The following CTRB1 variants were observed in gnomAD, a reference collection of about 807,000 sequenced individuals.
CTRB1 encodes chymotrypsinogen B.
A neutral mutation model predicts 20.4 loss-of-function variants in CTRB1; 15 were observed. The ratio of observed to expected loss-of-function variants is 0.74; its 90% CI spans 0.49 to 1.13. The LOEUF is 1.13. CTRB1 is among the 50% of genes most tolerant of loss of function. The pLI, the probability that CTRB1 is intolerant of heterozygous loss-of-function variation, is 0.00. For missense variants in CTRB1, 227 were observed against 290.1 expected (o/e 0.78, Z 1.58); for synonymous variants, 92 against 128.4 (o/e 0.72, Z 1.92).
intron 1 of CTRB1, among the ~76,000 whole-genome samples, chr16:75,221,422 C>T (rs150037540): frequency 0.019 from 2,915 of 152,096 alleles, 38 homozygotes; most frequent in Non-Finnish European, 0.026. Flanking sequence ...TGCAGTGGCA[C>T]GATCTCAGCT....
intron 1 of CTRB1, among the ~76,000 whole-genome samples, chr16:75,222,076 AAAAAAAAAAAG>A (rs2039094010): frequency 6.6e-6 from 1 of 150,760 alleles, no homozygotes; most frequent in Admixed American, 6.6e-5. Flanking sequence ...AAAAAAAAAA[AAAAAAAAAAAG>A]GAATTTGAGG....
chr16:75,221,019 G>A (rs552361545), intron 1 of CTRB1, among the ~76,000 whole-genome samples: 26 of 152,248 alleles, frequency 1.7e-4, no homozygotes, highest in African/African-American at 3.1e-4. Context: ...GCCTTCCAAC[G>A]TGCTCTTTCT....
chr16:75,221,497 T>A (rs2039083565), intron 1 of CTRB1, among the ~76,000 whole-genome samples: 1 of 152,032 alleles, frequency 6.6e-6, no homozygotes, highest in African/African-American at 2.4e-5. Context: ...GTAGCTGGGA[T>A]TGTAGGCCTG....
chr16:75,222,454 A>G (rs2076700627), intron 1 of CTRB1, among the ~76,000 whole-genome samples: 1 of 152,160 alleles, frequency 6.6e-6, no homozygotes, highest in African/African-American at 2.4e-5. Context: ...CACGGCAAGG[A>G]AAGTGTGTCC....
At chr16:75,222,333 G>C (rs140265849) in intron 1 of CTRB1, among the ~76,000 whole-genome samples, 14 of 152,190 alleles carry the variant, frequency 9.2e-5, no homozygotes, top group African/African-American at 3.4e-4. Flanking sequence ...TTCCCCTCTC[G>C]CCACCAGTCT....
chr16:75,222,161 GA>G (rs34600337), intron 1 of CTRB1, among the ~76,000 whole-genome samples: 67 of 142,818 alleles, frequency 4.7e-4, no homozygotes, highest in African/African-American at 8.3e-4. Context: ...ACCCTAACTG[GA>G]AAAAAAAAAA....
At position 75,222,125 on chromosome 16, in the gene CTRB1, C is replaced by T. The variant is rs151224578; in HGVS notation, c.53-643C>T. Among the ~76,000 whole-genome samples the T allele has an allele frequency of 1.8e-4, 27 of 149,516 alleles. No homozygotes were observed. In the Admixed American group the frequency reaches 1.8e-3, roughly 10 times the overall value. The stretch of plus-strand genomic sequence containing the variant: ...GCAGTGGGCCATGATGACACCACGG[C>T]ACTCCAGCCAGGGTGACAGAGCAAG... On this transcript the variant is annotated intron_variant, in intron 1 of 6. Coordinates refer to ENST00000361017, the MANE Select transcript of CTRB1 (RefSeq NM_001906.6).
chr16:75,224,210 C>T (rs1001921389), intron 6 of CTRB1, 22 bp downstream of exon 6: 119 of 1,386,836 alleles, frequency 8.6e-5, no homozygotes, highest in Non-Finnish European at 1.1e-4. Context: ...CCTGCCCAGG[C>T]CCTGGCCAGG....
Position 75,224,690 on chromosome 16 carries a change from C to A in CTRB1, c.631-15C>A. 6.3e-7 allele frequency: 1 copy of A among 1,599,428 alleles called. No homozygotes were observed. The highest frequency in any genetic ancestry group is 8.5e-7 in the Non-Finnish European group (1 of 1,174,016). Reference sequence around the variant, plus strand: ...TCGGCTGCCAGATCCAAGCCCCCTTCTCCCTCTCCCACAGGGCGACTCTGG... The same window carrying A: ...TCGGCTGCCAGATCCAAGCCCCCTTATCCCTCTCCCACAGGGCGACTCTGG... On this transcript the variant is annotated splice_polypyrimidine_tract_variant and intron_variant, in intron 6 of 6. Coordinates refer to ENST00000361017, the MANE Select transcript of CTRB1 (RefSeq NM_001906.6).
At chr16:75,224,582 G>A in intron 6 of CTRB1, 123 bp from the exon 7 acceptor site, 1 of 1,175,308 alleles carries the variant, frequency 8.5e-7, no homozygotes, top group Non-Finnish European at 1.2e-6. Context: ...CCACGCAACA[G>A]CACATGCTGA....
chr16:75,222,161 G>GAAA (rs34600337), intron 1 of CTRB1, among the ~76,000 whole-genome samples: 6 of 142,908 alleles, frequency 4.2e-5, no homozygotes, highest in South Asian at 4.4e-4. Context: ...ACCCTAACTG[G>GAAA]AAAAAAAAAA....
chr16:75,222,724 G>A (rs965178588), intron 1 of CTRB1, 44 bp from the exon 2 acceptor site: 3 of 1,532,234 alleles, frequency 2.0e-6, no homozygotes, highest in Admixed American at 2.0e-5. Flanking sequence ...TGAGGCCCAG[G>A]TGGGTTTGGG....
chr16:75,224,422 C>A (rs2151377070), intron 6 of CTRB1, among the ~76,000 whole-genome samples: 1 of 152,338 alleles, frequency 6.6e-6, no homozygotes, highest in Middle Eastern at 3.4e-3. Flanking sequence ...CTCCCTCCCT[C>A]ACACGGACCC....
intron 6 of CTRB1, 121 bp from the exon 7 acceptor site, chr16:75,224,584 A>G: frequency 8.4e-7 from 1 of 1,193,162 alleles, no homozygotes; most frequent in Non-Finnish European, 1.2e-6. Flanking sequence ...ACGCAACAGC[A>G]CATGCTGAGC....
chr16:75,221,459 A>C (rs573130650), intron 1 of CTRB1, among the ~76,000 whole-genome samples: 1 of 152,232 alleles, frequency 6.6e-6, no homozygotes, highest in African/African-American at 2.4e-5. Context: ...CCCCAGGTTC[A>C]AGCGATTCTC....
At position 75,224,869 on chromosome 16, in the gene CTRB1, C is replaced by A. The variant is rs933448450; in HGVS notation, c.*3C>A. On this transcript the variant is annotated 3_prime_UTR_variant, in exon 7 of 7. Coordinates refer to ENST00000361017, the MANE Select transcript of CTRB1 (RefSeq NM_001906.6). ...AGAAGATCCTGGCTGCCAACTGAGC[C>A]CGCGGCTCCCTCCGACCCTGCTCCC... is the stretch of plus-strand genomic sequence containing the variant. The A allele has an allele frequency of 7.4e-6, 12 of 1,613,458 alleles. No homozygotes were observed. Among genetic ancestry groups the A allele is most frequent in the South Asian group, 1.1e-5 (1 of 91,084 alleles).
intron 1 of CTRB1, among the ~76,000 whole-genome samples, chr16:75,220,632 C>G (rs2039070155): frequency 6.6e-6 from 1 of 152,238 alleles, no homozygotes; most frequent in East Asian, 1.9e-4. Context: ...CATTCTACAA[C>G]AATGTGCTTT....
chr16:75,219,344 C>G (rs1305279079), intron 1 of CTRB1, among the ~76,000 whole-genome samples: 1 of 151,536 alleles, frequency 6.6e-6, no homozygotes, highest in Non-Finnish European at 1.5e-5. Context: ...AAGGCCTCCA[C>G]CGGGGTTTTT....
At chr16:75,220,270 G>A (rs1031723750) in intron 1 of CTRB1, among the ~76,000 whole-genome samples, 3 of 151,704 alleles carry the variant, frequency 2.0e-5, no homozygotes, top group Admixed American at 1.3e-4. Context: ...TGCAACCTCC[G>A]CCTCCTGGGT....
Sources: allele counts gnomAD v4.1 joint callset (sites outside exome capture counted in the v4.1 genomes callset), GRCh38; gene constraint gnomAD v4.1.1; transcripts MANE v1.5; gene names NCBI Gene and HGNC (gene_info 2026-07-23, HGNC 2026-07-21).